ZNF148: variants seen among roughly 807,000 people sequenced by gnomAD.
ZNF148 encodes the protein Beta-Enolase Repressor Factor-1.
Under a neutral mutation model 67.7 loss-of-function variants are expected in ZNF148, and 7 were observed. The observed-to-expected ratio is 0.10, with a 90% CI of 0.06 to 0.19. ZNF148 has a LOEUF of 0.19. Among genes scored for constraint, ZNF148 ranks in the 10% least tolerant of loss-of-function variants. The pLI is 1.00. For synonymous variants in ZNF148, 333 were observed against 330.7 expected (o/e 1.01, Z -0.08); for missense variants, 583 against 947.1 (o/e 0.62, Z 5.05).
chr3:125,272,774 A>C (rs995071083), intron 7 of ZNF148, among the ~76,000 whole-genome samples: 1 of 152,192 alleles, frequency 6.6e-6, no homozygotes, highest in Non-Finnish European at 1.5e-5. Flanking sequence ...AGTATGAATT[A>C]TTAACAGCTT....
chr3:125,276,082 C>T (rs1178008522), intron 7 of ZNF148, among the ~76,000 whole-genome samples: 2 of 152,188 alleles, frequency 1.3e-5, no homozygotes, highest in East Asian at 3.8e-4. Context: ...CTTCTGTTAT[C>T]TATTTCTGGT....
intron 4 of ZNF148, among the ~76,000 whole-genome samples, chr3:125,289,205 C>T (rs1358086206): frequency 6.6e-6 from 1 of 152,096 alleles, no homozygotes; most frequent in Non-Finnish European, 1.5e-5. Context: ...GCTACATTTT[C>T]AAGAAACACA....
Position 125,365,006 on chromosome 3 carries a change from CTATTATCT to C in ZNF148, c.-234+10088_-234+10095del, listed in dbSNP as rs1274333515. Reference sequence around the variant, plus strand: ...GGAAAGCCAACCCTCACCTTCTTGCCTATTATCTTATTTATCCTTCAAGGTCTAAGCTT... The same window carrying C: ...GGAAAGCCAACCCTCACCTTCTTGCCTATTTATCCTTCAAGGTCTAAGCTT... On this transcript the variant is annotated intron_variant, in intron 1 of 8. Transcript: ENST00000360647. 1.4e-4 allele frequency among the ~76,000 whole-genome samples: 21 copies of C among 152,266 alleles called. No homozygotes were observed. The South Asian group carries it at 3.9e-3, about 29-fold the overall frequency.
chr3:125,373,594 G>T (rs904335248), intron 1 of ZNF148, among the ~76,000 whole-genome samples: 2 of 152,018 alleles, frequency 1.3e-5, no homozygotes, highest in African/African-American at 4.8e-5. Context: ...GGTTCCCCTA[G>T]ACCTTCTGAT....
chr3:125,233,178 G>A lies in ZNF148; in HGVS notation c.1548C>T (p.Ser516=), dbSNP rs1935932555. Residue 516 remains serine, a synonymous_variant, in exon 9 of 9, where the codon TCC becomes TCT. Transcript: ENST00000360647. The surrounding 1 kb of genome is among the most constrained non-coding windows in gnomAD (Gnocchi z 5.1). ...CATTCAGTGCCTGTGACTCTAATAT[G>A]GATGCCGTGGTACTTTCATCAATGA... ...ASVIDESTTA[S]ILESQALNVE... The A allele has an allele frequency of 6.2e-7, 1 of 1,613,696 alleles. No homozygotes were observed. Among genetic ancestry groups the A allele is most frequent in the African/African-American group, 1.3e-5 (1 of 74,862 alleles).
rs373210978 is a variant in ZNF148, at chr3:125,350,317, G to T, written c.-233-19079C>A. 4.0e-5 allele frequency among the ~76,000 whole-genome samples: 6 copies of T among 151,434 alleles called. No individual in the cohort carries two copies. In the East Asian group the frequency reaches 7.7e-4, roughly 20 times the overall value. On this transcript the variant is annotated intron_variant, in intron 1 of 8. Coordinates refer to ENST00000360647, the MANE Select transcript of ZNF148 (RefSeq NM_021964.3). ...CTGAGACTACAGGCATGTGTCACCA[G>T]GCCCATCTAATTTTTTTTTGTATTT...
At chr3:125,307,804 C>A (rs1306196324) in intron 4 of ZNF148, among the ~76,000 whole-genome samples, 1 of 133,404 alleles carries the variant, frequency 7.5e-6, no homozygotes, top group African/African-American at 2.9e-5. Flanking sequence ...ACCACCATGC[C>A]CAGATAATTT....
Position 125,233,993 on chromosome 3 carries a change from A to G in ZNF148, c.787-54T>C. On this transcript the variant is annotated intron_variant, in intron 8 of 8. Coordinates refer to ENST00000360647, the MANE Select transcript of ZNF148 (RefSeq NM_021964.3). This position sits in a 1 kb window ranked among gnomAD's most constrained non-coding sequence, Gnocchi z 5.1. The stretch of plus-strand genomic sequence containing the variant: ...TGTTTGTGGTTTTGGTCAACCAAGA[A>G]AAGAAAAAGTGAAACAAAACAATTA... The G allele has an allele frequency of 6.6e-7, 1 of 1,523,848 alleles. No individual in the cohort carries two copies. The highest frequency in any genetic ancestry group is 2.3e-5 in the Admixed American group (1 of 43,228). 94.4% of individuals were successfully genotyped at this position (1,523,848 alleles called of 1,614,324 possible). A position where few individuals can be genotyped will look rare whatever the true frequency, so the allele number is the denominator to read the frequency against.
intron 7 of ZNF148, among the ~76,000 whole-genome samples, chr3:125,240,153 G>A (rs1211465835): frequency 1.3e-5 from 2 of 152,182 alleles, no homozygotes; most frequent in Non-Finnish European, 2.9e-5. Context: ...TGCAAAGTGA[G>A]AAGTTATTTT....
Position 125,246,287 on chromosome 3 carries a change from T to C in ZNF148, c.668-11958A>G, listed in dbSNP as rs539690264. 2.0e-5 allele frequency among the ~76,000 whole-genome samples: 3 copies of C among 152,286 alleles called. No homozygotes were observed. In the East Asian group the frequency reaches 5.8e-4, roughly 29 times the overall value. ...ACTTGACAACACAAGGAAACATCCA[T>C]ATTTAATAAATTACAAAGGGTAGAC... On this transcript the variant is annotated intron_variant, in intron 7 of 8. Transcript: ENST00000360647.
At chr3:125,301,504 G>C (rs992271620) in intron 4 of ZNF148, among the ~76,000 whole-genome samples, 2 of 152,080 alleles carry the variant, frequency 1.3e-5, no homozygotes, top group Non-Finnish European at 2.9e-5. Context: ...AGTTTACATA[G>C]GCTACAGAAC....
chr3:125,324,023 G>A (rs1378940872), intron 2 of ZNF148, among the ~76,000 whole-genome samples: 1 of 151,226 alleles, frequency 6.6e-6, no homozygotes, highest in African/African-American at 2.4e-5. Context: ...CAAAGATACA[G>A]GATATTCAAG....
intron 1 of ZNF148, among the ~76,000 whole-genome samples, chr3:125,347,475 T>C (rs1941988669): frequency 6.6e-6 from 1 of 152,190 alleles, no homozygotes; most frequent in African/African-American, 2.4e-5. Context: ...GGTACTGGCA[T>C]GAAGATAAAC....
chr3:125,263,191 C>T (rs902550039), intron 7 of ZNF148, among the ~76,000 whole-genome samples: 1 of 152,164 alleles, frequency 6.6e-6, no homozygotes, highest in African/African-American at 2.4e-5. Flanking sequence ...GAGATGAATT[C>T]TTTAGTCACT....
At chr3:125,258,751 CA>C (rs1937210584) in intron 7 of ZNF148, among the ~76,000 whole-genome samples, 1 of 152,050 alleles carries the variant, frequency 6.6e-6, no homozygotes, top group African/African-American at 2.4e-5. Context: ...TTACTTAAAA[CA>C]GTCTAACCCA....
rs953825576 is a variant in ZNF148, at chr3:125,231,648, C to T, written c.*693G>A. 3 of 152,444 alleles carry T rather than the reference C, an allele frequency of 2.0e-5. No individual in the cohort carries two copies. The highest frequency in any genetic ancestry group is 2.0e-4 in the Admixed American group (3 of 15,252). The allele number at this position is 152,444 out of a possible 1,614,324, so 9.4% of individuals were successfully genotyped here. A position where few individuals can be genotyped will look rare whatever the true frequency, so the allele number is the denominator to read the frequency against. On this transcript the variant is annotated 3_prime_UTR_variant, in exon 9 of 9. Transcript: ENST00000360647. ...GCATACTTCCATAGAGAAGTGACTG[C>T]TTCAACAGTTGTGTGTTTTGGTAAA... is the stretch of plus-strand genomic sequence containing the variant.
intron 1 of ZNF148, among the ~76,000 whole-genome samples, chr3:125,350,581 A>G (rs1942109984): frequency 6.6e-6 from 1 of 152,228 alleles, no homozygotes. Flanking sequence ...GGATGGTTTC[A>G]GGATGAAACT....
chr3:125,252,566 G>A (rs1459317684), intron 7 of ZNF148, among the ~76,000 whole-genome samples: 2 of 151,930 alleles, frequency 1.3e-5, no homozygotes, highest in African/African-American at 2.4e-5. Flanking sequence ...TCAGGAGATC[G>A]AGACCCTCTT....
intron 7 of ZNF148, among the ~76,000 whole-genome samples, chr3:125,260,979 G>A (rs951990894): frequency 2.0e-5 from 3 of 152,066 alleles, no homozygotes; most frequent in African/African-American, 7.2e-5. Flanking sequence ...TGAATTTCTC[G>A]TCTGATTACT....
Sources: gnomAD v4.1 joint callset for allele counts (sites outside exome capture counted in the v4.1 genomes callset) on GRCh38, gnomAD v4.1.1 for gene constraint, Gnocchi (gnomAD v3.1) non-coding constraint, MANE v1.5 for transcripts, NCBI Gene and HGNC (gene_info 2026-07-23, HGNC 2026-07-21) for gene names.